Variants in NUP88 observed in about 807,000 individuals in gnomAD.
NUP88 encodes the protein nuclear pore complex protein Nup88.
A neutral mutation model predicts 93.9 loss-of-function variants in NUP88; 57 were observed. The ratio of observed to expected loss-of-function variants is 0.61; its 90% CI spans 0.49 to 0.76. The LOEUF (loss-of-function observed/expected upper bound fraction) is 0.76, where lower values mean the gene tolerates loss of function less well. NUP88 is among the 30% of genes least tolerant of loss of function. The pLI, the probability that NUP88 is intolerant of heterozygous loss-of-function variation, is 0.00. For missense variants in NUP88, 911 were observed against 901.0 expected (o/e 1.01, Z -0.14); for synonymous variants, 346 against 336.8 (o/e 1.03, Z -0.30).
intron 5 of NUP88, among the ~76,000 whole-genome samples, chr17:5,408,282 T>G (rs2151644369): frequency 6.6e-6 from 1 of 152,326 alleles, no homozygotes; most frequent in Admixed American, 6.5e-5. Context: ...TACGAAAATT[T>G]CCTTAACCTC....
chr17:5,403,024 G>C (rs1913261967), intron 7 of NUP88, among the ~76,000 whole-genome samples: 1 of 152,156 alleles, frequency 6.6e-6, no homozygotes, highest in Admixed American at 6.5e-5. Flanking sequence ...GTATTCCACT[G>C]TGTATACAAT....
intron 1 of NUP88, among the ~76,000 whole-genome samples, chr17:5,417,379 G>T (rs1181853578): frequency 6.6e-6 from 1 of 151,988 alleles, no homozygotes; most frequent in Admixed American, 6.6e-5. Context: ...GAGGTGGGAG[G>T]ATCACTCGAC....
At chr17:5,391,321 ACT>A (rs1252821794) in intron 10 of NUP88, among the ~76,000 whole-genome samples, 3 of 151,906 alleles carry the variant, frequency 2.0e-5, no homozygotes, top group African/African-American at 7.3e-5. Context: ...TTTTCTCCAC[ACT>A]CTGAAGAAAA....
chr17:5,408,853 A>AATG lies in NUP88; in HGVS notation c.734_736dup (p.Pro245_Leu246insSer). ...AAATAGAGTCTTTGGGACTGCTGCCAATGGCCCAAAGTCAAATGCAACTGC... is the reference window on the plus strand; with the variant it reads ...AAATAGAGTCTTTGGGACTGCTGCCAATGATGGCCCAAAGTCAAATGCAACTGC... On this transcript the variant is annotated inframe_insertion, in exon 5 of 17. Coordinates refer to ENST00000573584, the MANE Select transcript of NUP88 (RefSeq NM_002532.6). 1 of 1,614,000 alleles carries AATG rather than the reference A, an allele frequency of 6.2e-7. No individual in the cohort carries two copies.
At chr17:5,399,251 A>AG (rs1376449261) in intron 8 of NUP88, among the ~76,000 whole-genome samples, 1 of 45,224 alleles carries the variant, frequency 2.2e-5, no homozygotes, top group Non-Finnish European at 5.2e-5. Flanking sequence ...CAGTTTTGGT[A>AG]GTTTTTTTTT....
chr17:5,411,604 A>G (rs1332478532), intron 3 of NUP88, among the ~76,000 whole-genome samples: 1 of 151,614 alleles, frequency 6.6e-6, no homozygotes, highest in African/African-American at 2.4e-5. Flanking sequence ...AAAACCAAAC[A>G]AACAAACCCA....
At position 5,419,599 on chromosome 17, in the gene NUP88, G is replaced by A. The variant is rs1485310460; in HGVS notation, c.52C>T (p.Leu18Phe). Reference sequence around the variant, plus strand: ...CGCAAGAACACGACGTGGTTAGGAAGCCAGGTCTGCCACAGCTCGCCGTCG... The same window carrying A: ...CGCAAGAACACGACGTGGTTAGGAAACCAGGTCTGCCACAGCTCGCCGTCG... ...VGDGELWQTW[L>F]PNHVVFLRLR... The change falls in exon 1 of 17, where the codon CTT becomes TTT. Residue 18 changes from leucine to phenylalanine, a missense_variant. Physicochemically the swap from Leu to Phe is conservative, Grantham distance 22. Coordinates refer to ENST00000573584, the MANE Select transcript of NUP88 (RefSeq NM_002532.6). The A allele has an allele frequency of 6.2e-7, 1 of 1,603,744 alleles. No individual in the cohort carries two copies. Among genetic ancestry groups the A allele is most frequent in the Admixed American group, 1.7e-5 (1 of 59,924 alleles).
intron 7 of NUP88, 115 bp from the exon 8 acceptor site, chr17:5,399,765 T>C: frequency 3.8e-6 from 2 of 521,712 alleles, no homozygotes; most frequent in Non-Finnish European, 6.9e-6. Context: ...GATGGAAGGT[T>C]TTATAAAAGA....
At chr17:5,416,131 C>A (rs1368337390) in intron 2 of NUP88, among the ~76,000 whole-genome samples, 9 of 106,316 alleles carry the variant, frequency 8.5e-5, no homozygotes, top group South Asian at 3.1e-4. Flanking sequence ...GGTGACAGAG[C>A]AAGACTCCAT....
In NUP88 at chr17:5,391,995, G is replaced by C. The variant is rs2144767278; in HGVS notation, c.1383-333C>G. ...GCCTAGCCCAGTGCTAACAAATTAAGTGCTTAGAAACTGTTGAATGAACAG... is the reference window on the plus strand; with the variant it reads ...GCCTAGCCCAGTGCTAACAAATTAACTGCTTAGAAACTGTTGAATGAACAG... On this transcript the variant is annotated intron_variant, in intron 9 of 16. Transcript: ENST00000573584. 1.3e-5 allele frequency among the ~76,000 whole-genome samples: 2 copies of C among 152,306 alleles called. 1 individual carries two copies. Among genetic ancestry groups the C allele is most frequent in the South Asian group, 4.1e-4 (2 of 4,824 alleles).
At chr17:5,401,680 A>C (rs1913177100) in intron 7 of NUP88, among the ~76,000 whole-genome samples, 1 of 152,234 alleles carries the variant, frequency 6.6e-6, no homozygotes, top group Non-Finnish European at 1.5e-5. Context: ...GCATAATTAA[A>C]ATATTGAAAA....
In NUP88 at chr17:5,419,450, C is replaced by CTCTCCGCCGAG. The variant is rs1567581378; in HGVS notation, c.190_200dup (p.Glu67AspfsTer17). On this transcript the variant is annotated frameshift_variant, in exon 1 of 17. Transcript: ENST00000573584. LOFTEE classifies it high-confidence loss of function. ...TGTCTTCTCCGTCCCACAGGAAAAG[C>CTCTCCGCCGAG]TCTCCGCCGAGGCCAAAGACCACGT... 1 of 1,613,998 alleles carries CTCTCCGCCGAG rather than the reference C, an allele frequency of 6.2e-7. No individual in the cohort carries two copies. Among genetic ancestry groups the CTCTCCGCCGAG allele is most frequent in the Admixed American group, 1.7e-5 (1 of 60,030 alleles).
intron 9 of NUP88, among the ~76,000 whole-genome samples, chr17:5,393,711 T>C (rs773551750): frequency 2.6e-5 from 4 of 152,204 alleles, no homozygotes; most frequent in Non-Finnish European, 5.9e-5. Context: ...GCTGGGATTA[T>C]AGGCGTAAGC....
At chr17:5,387,365 A>G in intron 14 of NUP88, 21 bp downstream of exon 14, 1 of 1,599,436 alleles carries the variant, frequency 6.3e-7, no homozygotes, top group South Asian at 1.1e-5. Context: ...TAGGTAACTA[A>G]ATGTTATACA....
At chr17:5,398,769 A>G (rs1348202557) in intron 8 of NUP88, among the ~76,000 whole-genome samples, 1 of 150,946 alleles carries the variant, frequency 6.6e-6, no homozygotes, top group African/African-American at 2.4e-5. Flanking sequence ...TTGTATTTTA[A>G]GTAGAGACAG....
At chr17:5,392,191 T>C (rs1225750794) in intron 9 of NUP88, among the ~76,000 whole-genome samples, 1 of 152,160 alleles carries the variant, frequency 6.6e-6, no homozygotes, top group Admixed American at 6.5e-5. Flanking sequence ...GCGGCTCCCA[T>C]GCCCATCCCA....
chr17:5,387,836 A>C lies in NUP88; in HGVS notation c.1712T>G (p.Val571Gly). 1 of 1,614,056 alleles carries C rather than the reference A, an allele frequency of 6.2e-7. No individual in the cohort carries two copies. Among genetic ancestry groups the C allele is most frequent in the South Asian group, 1.1e-5 (1 of 91,064 alleles). Reference protein sequence around the residue: ...CLQLLSRATQVFREQYILKQD... With the variant: ...CLQLLSRATQGFREQYILKQD... ...TTTGAGAATGTACTGCTCTCTGAAC[A>C]CCTGGGTGGCTCTGCTGAGGAGCTG... The change falls in exon 12 of 17, where the codon GTG becomes GGG. Residue 571 changes from valine (V) to glycine (G), a missense_variant. By Grantham distance (109) the Val-to-Gly change is moderately radical. Transcript: ENST00000573584.
intron 3 of NUP88, among the ~76,000 whole-genome samples, chr17:5,412,011 C>T (rs573985447): frequency 1.3e-5 from 2 of 152,290 alleles, no homozygotes; most frequent in South Asian, 4.1e-4. Context: ...GAAGGTGCAA[C>T]AGGGCATTCG....
chr17:5,388,845 T>C lies in NUP88; in HGVS notation c.1600A>G (p.Arg534Gly). Reference sequence around the variant, plus strand: ...GCAACACTACGTTGCAAAATGCTTCTAATATGCTTTTCAAAGGAATCTGGG... The same window carrying C: ...GCAACACTACGTTGCAAAATGCTTCCAATATGCTTTTCAAAGGAATCTGGG... ...ETPDSFEKHIRSILQRSVANP... is the reference protein window; with the variant it reads ...ETPDSFEKHIGSILQRSVANP... The change falls in exon 11 of 17, where the codon AGA (arginine) becomes GGA (glycine). Residue 534 changes from arginine to glycine, a missense_variant. By Grantham distance (125) the Arg-to-Gly change is moderately radical (BLOSUM62 -2). Coordinates refer to ENST00000573584, the MANE Select transcript of NUP88 (RefSeq NM_002532.6). The C allele has an allele frequency of 1.2e-6, 2 of 1,614,122 alleles. No homozygotes were observed. Among genetic ancestry groups the C allele is most frequent in the South Asian group, 1.1e-5 (1 of 91,066 alleles).
Sources: allele counts gnomAD v4.1 joint callset (sites outside exome capture counted in the v4.1 genomes callset), GRCh38; gene constraint gnomAD v4.1.1; transcripts MANE v1.5; gene names NCBI Gene and HGNC (gene_info 2026-07-23, HGNC 2026-07-21).